CAPN3: variants seen among roughly 807,000 people sequenced by gnomAD.
CAPN3 encodes the protein calpain 3.
In CAPN3, 88 loss-of-function variants were observed where a neutral mutation model predicts 114.0. The ratio of observed to expected loss-of-function variants is 0.77; its 90% CI spans 0.65 to 0.92. The LOEUF (loss-of-function observed/expected upper bound fraction) is 0.92, where lower values mean the gene tolerates loss of function less well. Among genes scored for constraint, CAPN3 ranks in the 40% least tolerant of loss-of-function variants. The pLI is 0.00. For synonymous variants in CAPN3, 386 were observed against 382.9 expected (o/e 1.01, Z -0.09); for missense variants, 1,028 against 1,069.0 (o/e 0.96, Z 0.53).
chr15:42,401,973 G>C (rs565256977), intron 11 of CAPN3, 151 bp from the exon 12 acceptor site: 1 of 1,284,108 alleles, frequency 7.8e-7, no homozygotes, highest in East Asian at 2.3e-5. Context: ...AATACCAGGG[G>C]GGGCATTAGA....
At chr15:42,403,839 G>A in intron 14 of CAPN3, 62 bp downstream of exon 14, 1 of 1,443,822 alleles carries the variant, frequency 6.9e-7, no homozygotes, top group Non-Finnish European at 9.8e-7. Context: ...ACCATGCAGG[G>A]GACAGATGGT....
chr15:42,361,495 A>T (rs1185240119), intron 1 of CAPN3, among the ~76,000 whole-genome samples: 1 of 151,818 alleles, frequency 6.6e-6, no homozygotes, highest in African/African-American at 2.4e-5. Context: ...AACAACAACA[A>T]ACCTGAGGTG....
intron 1 of CAPN3, among the ~76,000 whole-genome samples, chr15:42,380,751 A>ATATTTTTTTTTTTTTTTTT (rs1436943739): frequency 3.1e-5 from 2 of 64,484 alleles, no homozygotes; most frequent in African/African-American, 1.8e-4. Flanking sequence ...ATATATATAT[A>ATATTTTTTTTTTTTTTTTT]TTTTTTTTTT....
intron 9 of CAPN3, among the ~76,000 whole-genome samples, chr15:42,398,524 C>T (rs1475790065): frequency 6.7e-6 from 1 of 149,704 alleles, no homozygotes; most frequent in Non-Finnish European, 1.5e-5. Flanking sequence ...GTGGAGGTTG[C>T]AGTGAGCCAA....
Position 42,409,997 on chromosome 15 carries a change from T to A in CAPN3, c.2115+2T>A. On this transcript the variant is annotated splice_donor_variant, in intron 19 of 23. Transcript: ENST00000397163. LOFTEE classifies it high-confidence loss of function. ...CGTAGCATGATTGCGCTCATGGATG[T>A]ATCCTTCCTGCCGCCCCTTCCCGAC... 6.2e-7 allele frequency: 1 copy of A among 1,611,710 alleles called. No homozygotes were observed. The highest frequency in any genetic ancestry group is 8.5e-7 in the Non-Finnish European group (1 of 1,179,566).
rs2053483181 is a variant in CAPN3 at position 42,389,036 on chromosome 15, C to T, written c.741C>T (p.Asp247=). ...TTGAGATCAGGGATGCTCCTAGTGA[C>T]ATGTACAAGATCATGAAGAAAGCCA... ...EFFEIRDAPS[D]MYKIMKKAIE... is the part of the protein sequence containing the mutation. The change falls in exon 5 of 24, where the codon GAC becomes GAT. Residue 247 remains aspartate, a synonymous_variant. Coordinates refer to ENST00000397163, the MANE Select transcript of CAPN3 (RefSeq NM_000070.3). 6.2e-7 allele frequency: 1 copy of T among 1,614,088 alleles called. No individual in the cohort carries two copies. The highest frequency in any genetic ancestry group is 1.1e-5 in the South Asian group (1 of 91,066).
intron 1 of CAPN3, among the ~76,000 whole-genome samples, chr15:42,366,005 T>G (rs1321146776): frequency 6.6e-6 from 1 of 152,208 alleles, no homozygotes; most frequent in African/African-American, 2.4e-5. Context: ...TTTTCCCAAG[T>G]CTAGAAGATT....
At chr15:42,408,146 G>C (rs2054078471) in intron 15 of CAPN3, 65 bp from the exon 16 acceptor site, 1 of 1,037,632 alleles carries the variant, frequency 9.6e-7, no homozygotes, top group Non-Finnish European at 1.5e-6. Context: ...GAGAGGTGCT[G>C]CCTCAGTGTG....
chr15:42,360,697 A>G (rs1404458558), intron 1 of CAPN3, among the ~76,000 whole-genome samples: 2 of 152,156 alleles, frequency 1.3e-5, no homozygotes, highest in East Asian at 3.8e-4. Context: ...CACCTACCTC[A>G]CCTCATAAGT....
intron 23 of CAPN3, 108 bp from the exon 24 acceptor site, chr15:42,411,639 G>A: frequency 1.3e-6 from 1 of 761,416 alleles, no homozygotes; most frequent in African/African-American, 1.8e-5. Flanking sequence ...CTGGGGGTCT[G>A]ACCTGCTGGG....
chr15:42,381,362 ATAACAATAT>A (rs1250709133), intron 1 of CAPN3, among the ~76,000 whole-genome samples: 17 of 152,296 alleles, frequency 1.1e-4, no homozygotes, highest in African/African-American at 3.9e-4. Context: ...AAGCTGCAGA[ATAACAATAT>A]TAATAATATC....
chr15:42,380,618 T>C (rs1285487141), intron 1 of CAPN3, among the ~76,000 whole-genome samples: 2 of 145,826 alleles, frequency 1.4e-5, no homozygotes, highest in African/African-American at 5.2e-5. Context: ...TATATATATG[T>C]ATGTATATGT....
chr15:42,385,529 C>CAGAGAG (rs560457739), intron 2 of CAPN3: 15 of 382,284 alleles, frequency 3.9e-5, no homozygotes, highest in South Asian at 2.9e-4. Flanking sequence ...TATATACACA[C>CAGAGAG]ACAGAGAGAG....
intron 8 of CAPN3, 41 bp downstream of exon 8, chr15:42,394,382 C>A: frequency 6.8e-7 from 1 of 1,475,476 alleles, no homozygotes; most frequent in Non-Finnish European, 9.3e-7. Context: ...TGGCGGGGAA[C>A]AGGGTCCGGG....
chr15:42,364,635 C>A (rs558596222), intron 1 of CAPN3, among the ~76,000 whole-genome samples: 1 of 152,292 alleles, frequency 6.6e-6, no homozygotes, highest in South Asian at 2.1e-4. Context: ...TTATCTACAT[C>A]AAATATAAAA....
At chr15:42,392,441 G>A (rs2053581159) in intron 6 of CAPN3, among the ~76,000 whole-genome samples, 198 bp from the exon 7 acceptor site, 1 of 152,204 alleles carries the variant, frequency 6.6e-6, no homozygotes, top group Non-Finnish European at 1.5e-5. Flanking sequence ...AGGGAGACCA[G>A]CCTGTCTGGA....
chr15:42,390,699 A>G (rs1454134009), intron 6 of CAPN3, among the ~76,000 whole-genome samples: 4 of 151,296 alleles, frequency 2.6e-5, no homozygotes, highest in Non-Finnish European at 4.4e-5. Context: ...CTATGCACAC[A>G]CTGAATCTGT....
intron 6 of CAPN3, among the ~76,000 whole-genome samples, chr15:42,390,792 T>TG (rs1466328140): frequency 0.01 from 1,478 of 142,748 alleles, 30 homozygotes; most frequent in African/African-American, 0.04. Context: ...GTTTTTTTGT[T>TG]TTTTTTTTTT....
chr15:42,394,613 C>T (rs965353570), intron 8 of CAPN3, among the ~76,000 whole-genome samples: 6 of 152,092 alleles, frequency 3.9e-5, no homozygotes, highest in Admixed American at 2.0e-4. Flanking sequence ...GCAGGAAAAG[C>T]GTATGAATGC....
Sources: gnomAD v4.1 joint callset for allele counts (sites outside exome capture counted in the v4.1 genomes callset) on GRCh38, gnomAD v4.1.1 for gene constraint, MANE v1.5 for transcripts, NCBI Gene and HGNC (gene_info 2026-07-23, HGNC 2026-07-21) for gene names.